The following SNCAIP variants were observed in gnomAD, a reference collection of about 807,000 sequenced individuals.
SNCAIP encodes synphilin-1.
Under a neutral mutation model 86.7 loss-of-function variants are expected in SNCAIP, and 43 were observed. The ratio of observed to expected loss-of-function variants is 0.50; its 90% CI spans 0.39 to 0.64. The LOEUF (loss-of-function observed/expected upper bound fraction) is 0.64. SNCAIP is among the 30% of genes least tolerant of loss of function. SNCAIP has a pLI of 0.00. For missense variants in SNCAIP, 981 were observed against 1,103.1 expected, an observed-to-expected ratio of 0.89 and a Z score of 1.57; for synonymous variants, 417 against 427.2, an observed-to-expected ratio of 0.98 and a Z score of 0.29.
intron 2 of SNCAIP, among the ~76,000 whole-genome samples, chr5:122,400,758 C>A (rs1381748942): frequency 6.6e-6 from 1 of 152,148 alleles, no homozygotes; most frequent in Non-Finnish European, 1.5e-5. Flanking sequence ...ATTTTGGAAG[C>A]ACAGGGACGG....
chr5:122,425,540 T>C lies in SNCAIP; in HGVS notation c.1182+9T>C. ...CAGGCCTGGCCATTAAGGTGACTGG[T>C]TGGGGGCTGGAACCTCCACAGCTAG... On this transcript the variant is annotated intron_variant, in intron 5 of 10. Transcript: ENST00000261368. The C allele has an allele frequency of 6.2e-7, 1 of 1,612,470 alleles. No homozygotes were observed. Among genetic ancestry groups the C allele is most frequent in the Non-Finnish European group, 8.5e-7 (1 of 1,178,566 alleles).
At chr5:122,338,459 T>C (rs532451878) in intron 1 of SNCAIP, among the ~76,000 whole-genome samples, 2 of 152,340 alleles carry the variant, frequency 1.3e-5, no homozygotes, top group African/African-American at 4.8e-5. Flanking sequence ...TCACTGTTAG[T>C]GCTACAGTAA....
At chr5:122,384,718 G>A (rs1171893762) in intron 1 of SNCAIP, among the ~76,000 whole-genome samples, 2 of 152,198 alleles carry the variant, frequency 1.3e-5, no homozygotes, top group Non-Finnish European at 2.9e-5. Flanking sequence ...TCTAGGAGCT[G>A]GAGCAGGCTC....
chr5:122,398,915 G>A (rs1470499241), intron 2 of SNCAIP, among the ~76,000 whole-genome samples: 1 of 152,104 alleles, frequency 6.6e-6, no homozygotes, highest in African/African-American at 2.4e-5. Context: ...TGCATGGCAT[G>A]GTGACAAAAC....
chr5:122,444,951 C>G, intron 8 of SNCAIP: 1 of 575,364 alleles, frequency 1.7e-6, no homozygotes, highest in Middle Eastern at 4.8e-4. Context: ...GTAAAGTGTA[C>G]AGCAAGCTCC....
chr5:122,318,214 G>A (rs955908582), intron 1 of SNCAIP, among the ~76,000 whole-genome samples: 1 of 152,014 alleles, frequency 6.6e-6, no homozygotes, highest in Admixed American at 6.5e-5. Context: ...TTCATTGCAT[G>A]TGCTTTTACA....
intron 1 of SNCAIP, chr5:122,370,134 T>C (rs1481800033): frequency 6.6e-6 from 1 of 152,130 alleles, no homozygotes; most frequent in Non-Finnish European, 1.5e-5. Context: ...TACTCCAATT[T>C]GATCATTACA....
At chr5:122,337,830 G>A (rs571722145) in intron 1 of SNCAIP, among the ~76,000 whole-genome samples, 223 of 152,316 alleles carry the variant, frequency 1.5e-3, no homozygotes, top group Non-Finnish European at 2.3e-3. Flanking sequence ...ATGAGCCCCT[G>A]CGCCCTGCCT....
At chr5:122,442,090 C>G (rs1378449970) in intron 7 of SNCAIP, among the ~76,000 whole-genome samples, 1 of 143,462 alleles carries the variant, frequency 7.0e-6, no homozygotes, top group Non-Finnish European at 1.5e-5. Context: ...AATACACTTT[C>G]TACCTTTAAG....
chr5:122,462,441 C>G (rs1285949306), intron 10 of SNCAIP, among the ~76,000 whole-genome samples: 1 of 152,066 alleles, frequency 6.6e-6, no homozygotes, highest in Non-Finnish European at 1.5e-5. Context: ...TGTATTCAAT[C>G]CATCATGTTT....
At chr5:122,374,980 C>G (rs577719872) in intron 1 of SNCAIP, among the ~76,000 whole-genome samples, 17 of 152,128 alleles carry the variant, frequency 1.1e-4, no homozygotes, top group African/African-American at 4.1e-4. Context: ...ATGGTGGAAG[C>G]AGATTTTGTT....
At chr5:122,449,331 A>G (rs1399653309) in intron 8 of SNCAIP, among the ~76,000 whole-genome samples, 1 of 152,200 alleles carries the variant, frequency 6.6e-6, no homozygotes, top group Admixed American at 6.5e-5. Flanking sequence ...CTGAATCCAT[A>G]TCACTTTCTC....
chr5:122,463,000 A>T (rs1156456958), intron 10 of SNCAIP, among the ~76,000 whole-genome samples: 1 of 152,220 alleles, frequency 6.6e-6, no homozygotes. Context: ...TCTTTTTCCC[A>T]TAGATTTATC....
At chr5:122,404,908 T>A (rs1772640097) in intron 3 of SNCAIP, among the ~76,000 whole-genome samples, 1 of 152,200 alleles carries the variant, frequency 6.6e-6, no homozygotes, top group African/African-American at 2.4e-5. Context: ...TGTGTGTGAG[T>A]GAAAGTAATG....
At chr5:122,435,987 C>T (rs1449327456) in intron 6 of SNCAIP, among the ~76,000 whole-genome samples, 1 of 152,112 alleles carries the variant, frequency 6.6e-6, no homozygotes. Context: ...CACAGACTGA[C>T]AGGCAGTTAA....
rs1279979410 is a variant in SNCAIP, at chr5:122,358,201, G to GTATA, written c.-46-32887_-46-32886insATAT. Among the ~76,000 whole-genome samples, 391 of 128,638 alleles carry GTATA rather than the reference G, an allele frequency of 3.0e-3. 1 individual carries two copies. Among genetic ancestry groups the GTATA allele is most frequent in the South Asian group, 9.7e-3 (37 of 3,798 alleles). 84.4% of individuals were successfully genotyped at this position (128,638 alleles called of 152,430 possible). ...TGTGTGTGTGTGTGTGTGTGTGTGT[G>GTATA]TGTATATATATATATATAAAATACT... On this transcript the variant is annotated intron_variant, in intron 1 of 10. Coordinates refer to ENST00000261368, the MANE Select transcript of SNCAIP (RefSeq NM_005460.4).
intron 2 of SNCAIP, among the ~76,000 whole-genome samples, chr5:122,392,597 T>C (rs1461601450): frequency 1.3e-5 from 2 of 152,188 alleles, no homozygotes; most frequent in East Asian, 1.9e-4. Context: ...TGTGTTATGA[T>C]TGGGAGTTAG....
intron 1 of SNCAIP, among the ~76,000 whole-genome samples, chr5:122,377,425 C>T (rs1472140636): frequency 2.0e-5 from 3 of 151,612 alleles, no homozygotes. Flanking sequence ...TTCTTTCTTC[C>T]AAAAAGAATT....
intron 1 of SNCAIP, among the ~76,000 whole-genome samples, chr5:122,388,356 G>A (rs1250900784): frequency 6.6e-6 from 1 of 152,058 alleles, no homozygotes; most frequent in Non-Finnish European, 1.5e-5. Flanking sequence ...GCCCTCTGTA[G>A]CTGTGCTTTC....
Sources: allele counts gnomAD v4.1 joint callset (sites outside exome capture counted in the v4.1 genomes callset), GRCh38; gene constraint gnomAD v4.1.1; transcripts MANE v1.5; gene names NCBI Gene and HGNC (gene_info 2026-07-23, HGNC 2026-07-21).